DDX10: variants seen among roughly 807,000 people sequenced by gnomAD.
The protein encoded by DDX10 is probable ATP-dependent RNA helicase DDX10.
In DDX10, 74 loss-of-function variants were observed where a neutral mutation model predicts 104.3. The ratio of observed to expected loss-of-function variants is 0.71; its 90% CI spans 0.59 to 0.86. The LOEUF (loss-of-function observed/expected upper bound fraction) is 0.86, where lower values mean the gene tolerates loss of function less well. Ranked by LOEUF, DDX10 falls within the 40% of genes least tolerant of loss-of-function variation. DDX10 has a pLI of 0.00. For synonymous variants in DDX10, 351 were observed against 353.4 expected (o/e 0.99, Z 0.08); for missense variants, 952 against 1,040.0 (o/e 0.92, Z 1.16).
chr11:108,864,695 C>T (rs138697084), intron 16 of DDX10, among the ~76,000 whole-genome samples: 1,616 of 152,102 alleles, frequency 0.011, 29 homozygotes, highest in African/African-American at 0.037. Flanking sequence ...CCTGGACTCA[C>T]GTGATCCTCT....
intron 13 of DDX10, among the ~76,000 whole-genome samples, chr11:108,814,960 C>T (rs529300328): frequency 6.6e-6 from 1 of 152,014 alleles, no homozygotes; most frequent in East Asian, 1.9e-4. Flanking sequence ...GGCAGAAAAG[C>T]GGAATCAGGA....
In DDX10 at chr11:108,913,228, A is replaced by G. The variant is rs142003328; in HGVS notation, c.2305-4645A>G. 9.9e-5 allele frequency among the ~76,000 whole-genome samples: 15 copies of G among 152,226 alleles called. No individual in the cohort carries two copies. In the East Asian group the frequency reaches 2.7e-3, roughly 28 times the overall value. On this transcript the variant is annotated intron_variant, in intron 16 of 17. Transcript: ENST00000322536. ...CATTTTAGGGGGACGTGAGACATCA[A>G]TCAGTATCTGTAAGATGTACATTGA...
chr11:108,937,381 G>A (rs1467833331), intron 17 of DDX10, among the ~76,000 whole-genome samples: 1 of 152,076 alleles, frequency 6.6e-6, no homozygotes, highest in Non-Finnish European at 1.5e-5. Flanking sequence ...TAAAAAATCG[G>A]TTCAATTTCT....
intron 15 of DDX10, among the ~76,000 whole-genome samples, chr11:108,844,465 G>A (rs1862686197): frequency 6.6e-6 from 1 of 152,138 alleles, no homozygotes; most frequent in African/African-American, 2.4e-5. Context: ...ACAAATATGG[G>A]CACTCAAATC....
chr11:108,800,734 A>C (rs924954185), intron 13 of DDX10, among the ~76,000 whole-genome samples: 1 of 152,232 alleles, frequency 6.6e-6, no homozygotes, highest in African/African-American at 2.4e-5. Context: ...TTGGGCACAA[A>C]TATTGTTGAA....
chr11:108,796,638 T>G (rs185323666), intron 13 of DDX10, among the ~76,000 whole-genome samples: 1 of 152,340 alleles, frequency 6.6e-6, no homozygotes, highest in East Asian at 1.9e-4. Flanking sequence ...TACTTGAAAT[T>G]AATTCTGGTC....
intron 6 of DDX10, among the ~76,000 whole-genome samples, chr11:108,687,832 A>T (rs372561672): frequency 1.3e-5 from 2 of 152,202 alleles, no homozygotes; most frequent in South Asian, 4.1e-4. Context: ...ACTTAGTCAT[A>T]TCTAAAACCA....
At chr11:108,863,331 C>T (rs900026764) in intron 16 of DDX10, among the ~76,000 whole-genome samples, 7 of 152,082 alleles carry the variant, frequency 4.6e-5, no homozygotes, top group African/African-American at 9.7e-5. Context: ...ATGGTATATA[C>T]GTGATCTAAA....
intron 17 of DDX10, among the ~76,000 whole-genome samples, chr11:108,928,577 C>T (rs1863938895): frequency 6.6e-6 from 1 of 152,146 alleles, no homozygotes; most frequent in Non-Finnish European, 1.5e-5. Flanking sequence ...GTGGGGAAAA[C>T]TGTGGGTTTG....
intron 13 of DDX10, among the ~76,000 whole-genome samples, chr11:108,790,132 T>G (rs1438774791): frequency 4.6e-5 from 7 of 152,186 alleles, no homozygotes; most frequent in Non-Finnish European, 1.5e-5. Flanking sequence ...TCAGTTCTTT[T>G]AGCAAGTAAT....
intron 13 of DDX10, among the ~76,000 whole-genome samples, chr11:108,836,804 T>C (rs1862561714): frequency 6.6e-6 from 1 of 152,222 alleles, no homozygotes; most frequent in Non-Finnish European, 1.5e-5. Context: ...GGTTTATTTT[T>C]AAGCATTTAT....
At chr11:108,708,224 A>G (rs2094279164) in intron 10 of DDX10, among the ~76,000 whole-genome samples, 1 of 151,572 alleles carries the variant, frequency 6.6e-6, no homozygotes, top group African/African-American at 2.4e-5. Context: ...AAAAAAAAAA[A>G]AAAAGATCAT....
chr11:108,698,470 GT>G (rs1045058582), intron 9 of DDX10, among the ~76,000 whole-genome samples: 1 of 152,160 alleles, frequency 6.6e-6, no homozygotes, highest in African/African-American at 2.4e-5. Flanking sequence ...TGATTTAAAG[GT>G]TGCATAAAAG....
At chr11:108,835,954 C>T (rs1862549841) in intron 13 of DDX10, among the ~76,000 whole-genome samples, 1 of 152,100 alleles carries the variant, frequency 6.6e-6, no homozygotes, top group South Asian at 2.1e-4. Flanking sequence ...GTTAATTGGC[C>T]TTACGGTCCC....
chr11:108,667,912 T>TA (rs1308288401), intron 1 of DDX10, among the ~76,000 whole-genome samples: 2 of 152,148 alleles, frequency 1.3e-5, no homozygotes, highest in African/African-American at 2.4e-5. Flanking sequence ...TTAACTTTTT[T>TA]AAAAAAACTC....
intron 1 of DDX10, among the ~76,000 whole-genome samples, chr11:108,672,454 T>A (rs1429699592): frequency 2.6e-5 from 4 of 152,250 alleles, no homozygotes; most frequent in African/African-American, 9.6e-5. Flanking sequence ...CTAATGCTGG[T>A]ACACTGATTC....
At chr11:108,695,819 G>A (rs1432873526) in intron 9 of DDX10, among the ~76,000 whole-genome samples, 1 of 149,462 alleles carries the variant, frequency 6.7e-6, no homozygotes, top group African/African-American at 2.5e-5. Context: ...ATCTTTAAAC[G>A]TGGTTTATAA....
At chr11:108,706,700 T>C in intron 9 of DDX10, 39 bp from the exon 10 acceptor site, 3 of 1,460,286 alleles carry the variant, frequency 2.1e-6, no homozygotes, top group Non-Finnish European at 2.9e-6. Context: ...AAATGCAGAT[T>C]GCATTGATGT....
chr11:108,681,565 T>C (rs2094235268), intron 6 of DDX10, among the ~76,000 whole-genome samples: 1 of 152,194 alleles, frequency 6.6e-6, no homozygotes, highest in Admixed American at 6.5e-5. Context: ...TATTTTAAGG[T>C]GTTAGAGAGT....
Sources: gnomAD v4.1 joint callset for allele counts (sites outside exome capture counted in the v4.1 genomes callset) on GRCh38, gnomAD v4.1.1 for gene constraint, MANE v1.5 for transcripts, NCBI Gene and HGNC (gene_info 2026-07-23, HGNC 2026-07-21) for gene names.